RALY: variants seen among roughly 807,000 people sequenced by gnomAD.
The protein encoded by RALY is RNA-binding protein Raly.
In RALY, 15 loss-of-function variants were observed where a neutral mutation model predicts 30.7. The ratio of observed to expected loss-of-function variants is 0.49; its 90% confidence interval spans 0.33 to 0.75. RALY has a LOEUF of 0.75. Among genes scored for constraint, RALY ranks in the 30% least tolerant of loss-of-function variants. RALY has a pLI of 0.02. For missense variants in RALY, 339 were observed against 414.3 expected (o/e 0.82, Z 1.58); for synonymous variants, 177 against 170.8 (o/e 1.04, Z -0.28).
intron 1 of RALY, among the ~76,000 whole-genome samples, chr20:34,026,994 G>A (rs906705364): frequency 4.6e-5 from 7 of 152,010 alleles, no homozygotes; most frequent in South Asian, 2.1e-4. Flanking sequence ...CAGGTAGTTC[G>A]TAAGACCCTA....
chr20:34,018,254 T>C (rs2031681852), intron 1 of RALY, among the ~76,000 whole-genome samples: 1 of 152,174 alleles, frequency 6.6e-6, no homozygotes, highest in South Asian at 2.1e-4. Context: ...GAGGAGAAGA[T>C]TGATTTATTA....
chr20:34,012,797 C>T (rs6059627), intron 1 of RALY, among the ~76,000 whole-genome samples: 1 of 152,218 alleles, frequency 6.6e-6, no homozygotes, highest in East Asian at 1.9e-4. Flanking sequence ...ACTTTGCTGC[C>T]TTTTGTCAGC....
chr20:34,004,369 A>G (rs1343808416), intron 1 of RALY, among the ~76,000 whole-genome samples: 5 of 152,242 alleles, frequency 3.3e-5, no homozygotes, highest in African/African-American at 9.6e-5. Flanking sequence ...CTCCCATACT[A>G]TGCAGAAGCA....
intron 2 of RALY, among the ~76,000 whole-genome samples, chr20:34,035,950 C>T (rs4571134): frequency 0.053 from 8,044 of 152,108 alleles, 718 homozygotes; most frequent in African/African-American, 0.18. Context: ...AGGCATAGAG[C>T]GTGCTTCTTG....
chr20:34,035,848 T>C (rs189668536), intron 2 of RALY, among the ~76,000 whole-genome samples: 1 of 152,294 alleles, frequency 6.6e-6, no homozygotes, highest in East Asian at 1.9e-4. Flanking sequence ...CACTGGATTA[T>C]TAAAGAAGGC....
chr20:34,040,874 T>G (rs144417370), intron 2 of RALY, among the ~76,000 whole-genome samples: 12 of 152,322 alleles, frequency 7.9e-5, no homozygotes, highest in African/African-American at 2.9e-4. Context: ...GTTTCCTGAG[T>G]ATCATACTGC....
Position 34,051,962 on chromosome 20 carries a change from A to G in RALY, c.-9-20104A>G, listed in dbSNP as rs761489982. 3.4e-4 allele frequency among the ~76,000 whole-genome samples: 52 copies of G among 152,316 alleles called. 1 individual carries two copies. The highest frequency in any genetic ancestry group is 6.8e-3 in the Middle Eastern group (2 of 294). On this transcript the variant is annotated intron_variant, in intron 2 of 9. Coordinates refer to ENST00000246194, the MANE Select transcript of RALY (RefSeq NM_016732.3). ...ATAATAAATTCTCATTAACCAGAGT[A>G]TCATTTAAATGCCTCACTAGGTTAA... is the stretch of plus-strand genomic sequence containing the variant.
chr20:34,072,810 C>T (rs1286764623), intron 3 of RALY, among the ~76,000 whole-genome samples: 1 of 152,094 alleles, frequency 6.6e-6, no homozygotes, highest in Non-Finnish European at 1.5e-5. Flanking sequence ...GCATTTACTC[C>T]TGTGTATATG....
intron 2 of RALY, among the ~76,000 whole-genome samples, chr20:34,066,434 G>A (rs766902812): frequency 1.1e-4 from 17 of 152,172 alleles, no homozygotes; most frequent in African/African-American, 2.2e-4. Flanking sequence ...AGCCAAGATC[G>A]TGCCATTGTA....
chr20:34,007,520 CAAAAA>C (rs1332597616), intron 1 of RALY, among the ~76,000 whole-genome samples: 1 of 148,228 alleles, frequency 6.7e-6, no homozygotes. Flanking sequence ...GACTCCATCT[CAAAAA>C]AAACAAAACA....
intron 2 of RALY, among the ~76,000 whole-genome samples, chr20:34,038,579 G>A (rs2032585913): frequency 2.6e-5 from 4 of 152,062 alleles, no homozygotes; most frequent in Non-Finnish European, 4.4e-5. Context: ...CCCAATTAAC[G>A]TAAACTGTCA....
intron 1 of RALY, among the ~76,000 whole-genome samples, chr20:34,021,682 G>A (rs538625829): frequency 1.3e-5 from 2 of 152,238 alleles, no homozygotes; most frequent in East Asian, 3.9e-4. Context: ...AAGGATACTT[G>A]ATACACAGGC....
rs185026322 is a variant in RALY at position 34,039,917 on chromosome 20, C to G, written c.-10+8313C>G. ...CACGAGGTCAAGAGATTGAGACCGTCCTGGCCAACGTGGTGAAACCCCGTC... is the reference window on the plus strand; with the variant it reads ...CACGAGGTCAAGAGATTGAGACCGTGCTGGCCAACGTGGTGAAACCCCGTC... On this transcript the variant is annotated intron_variant, in intron 2 of 9. Coordinates refer to ENST00000246194, the MANE Select transcript of RALY (RefSeq NM_016732.3). 6.6e-3 allele frequency among the ~76,000 whole-genome samples: 1,006 copies of G among 152,240 alleles called. 9 individuals carry two copies. The highest frequency in any genetic ancestry group is 0.02 in the Middle Eastern group (6 of 294).
At chr20:34,028,727 A>C (rs1008495108) in intron 1 of RALY, among the ~76,000 whole-genome samples, 2 of 151,058 alleles carry the variant, frequency 1.3e-5, no homozygotes, top group Non-Finnish European at 3.0e-5. Flanking sequence ...AAAAAAAAAA[A>C]AAAAAAACAT....
chr20:34,025,682 A>AT lies in RALY; in HGVS notation c.-92-5836dup, dbSNP rs779020697. Among the ~76,000 whole-genome samples the AT allele has an allele frequency of 5.0e-3, 737 of 146,772 alleles. 3 individuals are homozygous for AT. The highest frequency in any genetic ancestry group is 6.2e-3 in the Non-Finnish European group (411 of 66,264). On this transcript the variant is annotated intron_variant, in intron 1 of 9. Coordinates refer to ENST00000246194, the MANE Select transcript of RALY (RefSeq NM_016732.3). ...AACAAGAGTTCTGTAGGGACATGCTATTTTAAAAAAAAAAAAAAAAATTGT... is the reference window on the plus strand; with the variant it reads ...AACAAGAGTTCTGTAGGGACATGCTATTTTTAAAAAAAAAAAAAAAAATTGT...
intron 2 of RALY, among the ~76,000 whole-genome samples, chr20:34,058,578 C>T (rs921599145): frequency 2.6e-5 from 4 of 152,200 alleles, no homozygotes; most frequent in Admixed American, 1.3e-4. Flanking sequence ...CTCATCCCTT[C>T]GGAAGAACCC....
rs772759103 is a variant in RALY at position 34,077,069 on chromosome 20, G to A, written c.700G>A (p.Gly234Ser). ...TGATGGAGGTGGCGCCGGCGGCGGC[G>A]GCGGTGGTGGTGGCAGCGGTGGCGG... The part of the protein sequence containing the change: ...KGDGGGAGGG[G>S]GGGGSGGGGS... Residue 234 changes from glycine to serine, a missense_variant, in exon 8 of 10, where the codon GGC (glycine) becomes AGC (serine). By Grantham distance (56) the Gly-to-Ser change is moderately conservative (BLOSUM62 0). This residue lies in a region of RALY where 268 missense variants were observed against 280.6 expected (regional missense o/e 0.95). Coordinates refer to ENST00000246194, the MANE Select transcript of RALY (RefSeq NM_016732.3). The A allele has an allele frequency of 1.4e-5, 22 of 1,605,840 alleles. No homozygotes were observed. The highest frequency in any genetic ancestry group is 6.7e-5 in the East Asian group (3 of 44,590).
Position 34,032,185 on chromosome 20 carries a change from A to T in RALY, c.-10+581A>T, listed in dbSNP as rs188019292. Among the ~76,000 whole-genome samples the T allele has an allele frequency of 4.6e-3, 697 of 152,042 alleles. 5 individuals carry two copies. The highest frequency in any genetic ancestry group is 8.3e-3 in the Non-Finnish European group (565 of 67,968). ...TCCACGTTGGTCAGACTGGTCTCGA[A>T]CTCCCGACCTCAGGTGATCTGCCTG... On this transcript the variant is annotated intron_variant, in intron 2 of 9. Coordinates refer to ENST00000246194, the MANE Select transcript of RALY (RefSeq NM_016732.3).
At chr20:34,060,082 ATAC>A (rs2033371182) in intron 2 of RALY, among the ~76,000 whole-genome samples, 1 of 152,178 alleles carries the variant, frequency 6.6e-6, no homozygotes, top group Admixed American at 6.5e-5. Context: ...ACATTTCCAA[ATAC>A]TAGAGTTTTG....
Sources: allele counts gnomAD v4.1 joint callset (sites outside exome capture counted in the v4.1 genomes callset), GRCh38; gene constraint gnomAD v4.1.1; regional missense constraint gnomAD v4.1.1; transcripts MANE v1.5; gene names NCBI Gene and HGNC (gene_info 2026-07-23, HGNC 2026-07-21).